Variants in ZBTB20 observed in about 807,000 individuals in gnomAD.
ZBTB20 encodes the protein zinc finger and BTB domain containing 20.
ZBTB20 carries 9 observed loss-of-function variants against 56.9 expected under a neutral mutation model. The observed-to-expected ratio is 0.16, with a 90% CI of 0.10 to 0.28. The LOEUF (loss-of-function observed/expected upper bound fraction) is 0.28. Among genes scored for constraint, ZBTB20 ranks in the 10% least tolerant of loss-of-function variants. The pLI is 1.00. For missense variants in ZBTB20, 655 were observed against 1,003.0 expected (o/e 0.65, Z 4.69); for synonymous variants, 417 against 420.7 (o/e 0.99, Z 0.11).
rs954307121 is a variant in ZBTB20 at position 114,625,794 on chromosome 3, T to C, written c.-295+67734A>G. On this transcript the variant is annotated intron_variant, in intron 6 of 11. Coordinates refer to ENST00000675478, the MANE Select transcript of ZBTB20 (RefSeq NM_001348800.3). The stretch of plus-strand genomic sequence containing the variant: ...CACTTCTCCCTCTGCAGTAGTACTG[T>C]AATATAGCAAGGGGAGAGGGAAAAT... Among the ~76,000 whole-genome samples the C allele has an allele frequency of 2.6e-5, 4 of 152,024 alleles. No individual in the cohort carries two copies. In the East Asian group the frequency reaches 7.7e-4, roughly 29 times the overall value.
In ZBTB20 at chr3:114,428,182, T is replaced by C. The variant is rs115764132; in HGVS notation, c.-254-39077A>G. 1.4e-3 allele frequency among the ~76,000 whole-genome samples: 208 copies of C among 152,292 alleles called. 1 individual carries two copies. The highest frequency in any genetic ancestry group is 4.8e-3 in the African/African-American group (199 of 41,574). On this transcript the variant is annotated intron_variant, in intron 7 of 11. Transcript: ENST00000675478. ...TACCCCCCAACAAAGTACTGTACCA[T>C]AGTGGCAGTTTACTCTCACTTTTAC...
At chr3:115,109,103 A>T (rs1218726641) in intron 1 of ZBTB20, among the ~76,000 whole-genome samples, 5 of 152,214 alleles carry the variant, frequency 3.3e-5, no homozygotes, top group African/African-American at 1.2e-4. Context: ...CGTATTAGAC[A>T]CATATACTAT....
intron 2 of ZBTB20, among the ~76,000 whole-genome samples, chr3:115,023,135 T>C (rs138352811): frequency 4.6e-4 from 70 of 151,010 alleles, no homozygotes; most frequent in African/African-American, 1.6e-3. Flanking sequence ...AACTGAAGCA[T>C]GACAGTTAAA....
chr3:114,674,981 T>A (rs764796138), intron 6 of ZBTB20, among the ~76,000 whole-genome samples: 1 of 150,882 alleles, frequency 6.6e-6, no homozygotes, highest in African/African-American at 2.4e-5. Context: ...AGGTCTCTAG[T>A]AGAGAGCAAA....
intron 3 of ZBTB20, among the ~76,000 whole-genome samples, chr3:114,923,491 A>G (rs542523932): frequency 6.6e-6 from 1 of 152,360 alleles, no homozygotes; most frequent in South Asian, 2.1e-4. Context: ...CTCTTCAATA[A>G]GTGGTTTTGG....
intron 4 of ZBTB20, among the ~76,000 whole-genome samples, chr3:114,826,862 A>C (rs2073554816): frequency 6.6e-6 from 1 of 151,712 alleles, no homozygotes; most frequent in South Asian, 2.1e-4. Context: ...CAAAAAACTA[A>C]TAAGAATAAA....
intron 3 of ZBTB20, among the ~76,000 whole-genome samples, chr3:114,919,298 T>C (rs56933582): frequency 0.15 from 22,948 of 152,028 alleles, 2,173 homozygotes; most frequent in African/African-American, 0.25. Context: ...TATATATGCC[T>C]CAAGGTGACC....
chr3:114,610,364 C>T (rs2057460436), intron 6 of ZBTB20, among the ~76,000 whole-genome samples: 1 of 152,168 alleles, frequency 6.6e-6, no homozygotes, highest in South Asian at 2.1e-4. Context: ...GTCTTAACCC[C>T]AGTTTGTGGG....
At chr3:114,593,879 C>G (rs2056056943) in intron 6 of ZBTB20, among the ~76,000 whole-genome samples, 1 of 152,252 alleles carries the variant, frequency 6.6e-6, no homozygotes, top group South Asian at 2.1e-4. Context: ...TTAAGGTAGA[C>G]CTTTTAAACA....
At chr3:114,914,987 C>T (rs762613774) in intron 3 of ZBTB20, among the ~76,000 whole-genome samples, 1 of 151,508 alleles carries the variant, frequency 6.6e-6, no homozygotes, top group African/African-American at 2.4e-5. Flanking sequence ...TGGATTTTTA[C>T]ATCAATGTTC....
intron 5 of ZBTB20, among the ~76,000 whole-genome samples, chr3:114,747,005 C>T (rs2067092916): frequency 1.3e-5 from 2 of 152,160 alleles, no homozygotes; most frequent in Non-Finnish European, 1.5e-5. Flanking sequence ...GGGACATATA[C>T]ATGTAAAATT....
intron 1 of ZBTB20, among the ~76,000 whole-genome samples, chr3:115,115,805 T>C (rs1020255258): frequency 4.6e-5 from 7 of 152,100 alleles, no homozygotes; most frequent in Non-Finnish European, 2.9e-5. Flanking sequence ...GCTTGATTCA[T>C]GATCTAGGTA....
chr3:115,127,743 A>G (rs2084374705), intron 1 of ZBTB20, among the ~76,000 whole-genome samples: 1 of 152,220 alleles, frequency 6.6e-6, no homozygotes, highest in Non-Finnish European at 1.5e-5. Context: ...GCTGAATAAG[A>G]TAACAGGTGT....
intron 2 of ZBTB20, among the ~76,000 whole-genome samples, chr3:115,063,750 T>C (rs986768625): frequency 6.6e-6 from 1 of 152,014 alleles, no homozygotes; most frequent in African/African-American, 2.4e-5. Context: ...GCATCCCGTA[T>C]CCAAAACTTT....
At chr3:114,886,028 C>T (rs895110956) in intron 4 of ZBTB20, among the ~76,000 whole-genome samples, 1 of 152,126 alleles carries the variant, frequency 6.6e-6, no homozygotes, top group African/African-American at 2.4e-5. Context: ...CAAATGCTTC[C>T]AATTATATCC....
chr3:114,394,470 C>T (rs1044369019), intron 7 of ZBTB20, among the ~76,000 whole-genome samples: 1 of 152,192 alleles, frequency 6.6e-6, no homozygotes, highest in African/African-American at 2.4e-5. Context: ...TCTGGGAGCA[C>T]AGACTCCAGG....
chr3:115,144,236 G>C (rs999428357), intron 1 of ZBTB20, among the ~76,000 whole-genome samples: 9 of 152,028 alleles, frequency 5.9e-5, no homozygotes, highest in African/African-American at 1.4e-4. Context: ...ATTATAGATC[G>C]CAGGAACTTA....
chr3:114,763,128 A>G (rs1056812782), intron 5 of ZBTB20, among the ~76,000 whole-genome samples: 13 of 152,226 alleles, frequency 8.5e-5, no homozygotes, highest in Admixed American at 4.6e-4. Flanking sequence ...TTTTCTAAAC[A>G]AGAAGTTTAG....
intron 8 of ZBTB20, chr3:114,387,839 C>T (rs183154958): frequency 6.6e-6 from 1 of 152,308 alleles, no homozygotes; most frequent in Non-Finnish European, 1.5e-5. Context: ...TGTCTTTAGT[C>T]CCCAGTAACT....
Sources: allele counts gnomAD v4.1 joint callset (sites outside exome capture counted in the v4.1 genomes callset), GRCh38; gene constraint gnomAD v4.1.1; transcripts MANE v1.5; gene names NCBI Gene and HGNC (gene_info 2026-07-23, HGNC 2026-07-21).